SLC16A1: variants seen among roughly 807,000 people sequenced by gnomAD.
The protein encoded by SLC16A1 is solute carrier family 16 member 1, also known as monocarboxylate transporter 1.
In SLC16A1, 11 loss-of-function variants were observed where a neutral mutation model predicts 32.2. That is an observed-to-expected ratio of 0.34 (90% CI 0.21 to 0.56). SLC16A1 has a LOEUF of 0.56. SLC16A1 is among the 20% of genes least tolerant of loss of function. The pLI is 0.87. For synonymous variants in SLC16A1, 231 were observed against 226.8 expected, an observed-to-expected ratio of 1.02 and a Z score of -0.17; for missense variants, 435 against 615.0, an observed-to-expected ratio of 0.71 and a Z score of 3.10.
chr1:112,911,904 C>G lies in SLC16A1; in HGVS notation c.*1987G>C, dbSNP rs1648333310. On this transcript the variant is annotated 3_prime_UTR_variant, in exon 5 of 5. Coordinates refer to ENST00000369626, the MANE Select transcript of SLC16A1 (RefSeq NM_003051.4). ...TTCCTTTACTTACATTCCTTATTCC[C>G]TCACCAACAGTAATCCTCATTTTTA... The G allele has an allele frequency of 6.6e-6, 1 of 152,164 alleles. No individual in the cohort carries two copies. The highest frequency in any genetic ancestry group is 1.5e-5 in the Non-Finnish European group (1 of 68,016). 9.4% of individuals were successfully genotyped at this position (152,164 alleles called of 1,614,324 possible). A position where few individuals can be genotyped will look rare whatever the true frequency, so the allele number is the denominator to read the frequency against.
intron 1 of SLC16A1, among the ~76,000 whole-genome samples, chr1:112,953,153 CTTTTT>C (rs55766100): frequency 1.3e-4 from 17 of 130,194 alleles, no homozygotes; most frequent in Non-Finnish European, 2.4e-4. Flanking sequence ...ACTGAAAATC[CTTTTT>C]TTTTTTTTTT....
At position 112,914,052 on chromosome 1, in the gene SLC16A1, A is replaced by C. The variant is rs773196238; in HGVS notation, c.1342T>G (p.Leu448Val). The change falls in exon 5 of 5, where the codon TTG becomes GTG. Residue 448 changes from leucine to valine, a missense_variant. Leu to Val is a conservative substitution (Grantham distance 32). Transcript: ENST00000369626. ...FIGMGINYRL[L>V]AKEQKANEQK... ...TCGTTTGCTTTCTGTTCTTTTGCCA[A>C]AAGTCGATAATTGATGCCCATGCCA... is the stretch of plus-strand genomic sequence containing the variant. The C allele has an allele frequency of 3.1e-6, 5 of 1,614,050 alleles. No homozygotes were observed. Among genetic ancestry groups the C allele is most frequent in the Non-Finnish European group, 4.2e-6 (5 of 1,180,044 alleles).
rs957406167 is a variant in SLC16A1, at chr1:112,914,028, C to T, written c.1366G>A (p.Glu456Lys). The T allele has an allele frequency of 3.7e-6, 6 of 1,613,996 alleles. No homozygotes were observed. Among genetic ancestry groups the T allele is most frequent in the African/African-American group, 1.3e-5 (1 of 74,892 alleles). The change falls in exon 5 of 5, where the codon GAG becomes AAG. Residue 456 changes from glutamate (E) to lysine (K), a missense_variant. Coordinates refer to ENST00000369626, the MANE Select transcript of SLC16A1 (RefSeq NM_003051.4). ...TCCTCTTTACTTTCCTTTTTCTGCT[C>T]GTTTGCTTTCTGTTCTTTTGCCAAA... ...RLLAKEQKANEQKKESKEEET... is the reference protein window; with the variant it reads ...RLLAKEQKANKQKKESKEEET...
At chr1:112,946,466 A>C (rs1649708153) in intron 1 of SLC16A1, among the ~76,000 whole-genome samples, 1 of 152,138 alleles carries the variant, frequency 6.6e-6, no homozygotes, top group African/African-American at 2.4e-5. Flanking sequence ...TGAAACCAGA[A>C]AAAAAAACCT....
chr1:112,950,588 A>AC (rs1649857858), intron 1 of SLC16A1, among the ~76,000 whole-genome samples: 2 of 152,086 alleles, frequency 1.3e-5, no homozygotes, highest in Admixed American at 1.3e-4. Flanking sequence ...GTTGGATCTT[A>AC]CTCTGCAGGA....
At chr1:112,931,665 A>C (rs1209106233) in intron 1 of SLC16A1, among the ~76,000 whole-genome samples, 1 of 151,154 alleles carries the variant, frequency 6.6e-6, no homozygotes, top group Non-Finnish European at 1.5e-5. Flanking sequence ...AAAAAAAAAA[A>C]AAAGTAGTTT....
At chr1:112,936,306 G>A (rs1649301683) in intron 1 of SLC16A1, among the ~76,000 whole-genome samples, 1 of 151,818 alleles carries the variant, frequency 6.6e-6, no homozygotes, top group South Asian at 2.1e-4. Context: ...TCAGGAGTTC[G>A]AGACCTGCCT....
At chr1:112,952,878 G>T (rs540234084) in intron 1 of SLC16A1, among the ~76,000 whole-genome samples, 5 of 152,302 alleles carry the variant, frequency 3.3e-5, no homozygotes, top group South Asian at 2.1e-4. Context: ...GTTAAATGGA[G>T]ACAAACAAAT....
intron 4 of SLC16A1, among the ~76,000 whole-genome samples, chr1:112,914,783 G>C (rs78343047): frequency 6.6e-5 from 10 of 152,334 alleles, no homozygotes; most frequent in African/African-American, 2.4e-4. Context: ...GTCTGACTCG[G>C]AAGTCTGCAC....
At chr1:112,914,714 C>T (rs1461042212) in intron 4 of SLC16A1, among the ~76,000 whole-genome samples, 1 of 152,214 alleles carries the variant, frequency 6.6e-6, no homozygotes, top group Non-Finnish European at 1.5e-5. Flanking sequence ...GAGATGTTAG[C>T]TAATTTGTCC....
In SLC16A1 at chr1:112,929,496, T is replaced by C. The variant is rs181988618; in HGVS notation, c.-44-144A>G. ...TGGGAGGTTGAGGCAGGAGGATCAT[T>C]TGAGGCCAGGAGTTCAAGACAGCCC... On this transcript the variant is annotated intron_variant, in intron 1 of 4. Transcript: ENST00000369626. 2.2e-5 allele frequency: 14 copies of C among 634,598 alleles called. No homozygotes were observed. The East Asian group carries it at 3.3e-4, about 15-fold the overall frequency. 39.3% of individuals were successfully genotyped at this position (634,598 alleles called of 1,614,324 possible). A position where few individuals can be genotyped will look rare whatever the true frequency, so the allele number is the denominator to read the frequency against.
rs572428839 is a variant in SLC16A1 at position 112,950,251 on chromosome 1, G to C, written c.-45+5784C>G. Among the ~76,000 whole-genome samples the C allele has an allele frequency of 1.2e-4, 19 of 152,286 alleles. No individual in the cohort carries two copies. In the South Asian group the frequency reaches 3.9e-3, roughly 32 times the overall value. On this transcript the variant is annotated intron_variant, in intron 1 of 4. Coordinates refer to ENST00000369626, the MANE Select transcript of SLC16A1 (RefSeq NM_003051.4). ...AAAAATTTCTCATACAGGAACAGAAGAGCAGGTCAATAAAGTACAAACATA... is the reference window on the plus strand; with the variant it reads ...AAAAATTTCTCATACAGGAACAGAACAGCAGGTCAATAAAGTACAAACATA...
In SLC16A1 at chr1:112,912,024, C is replaced by G. The variant is rs566124124; in HGVS notation, c.*1867G>C. 1 of 152,358 alleles carries G rather than the reference C, an allele frequency of 6.6e-6. No homozygotes were observed. Among genetic ancestry groups the G allele is most frequent in the East Asian group, 1.9e-4 (1 of 5,186 alleles). The allele number at this position is 152,358 out of a possible 1,614,324, so 9.4% of individuals were successfully genotyped here. A position where few individuals can be genotyped will look rare whatever the true frequency, so the allele number is the denominator to read the frequency against. On this transcript the variant is annotated 3_prime_UTR_variant, in exon 5 of 5. Coordinates refer to ENST00000369626, the MANE Select transcript of SLC16A1 (RefSeq NM_003051.4). Reference sequence around the variant, plus strand: ...CTGAGGCCAAGCCTGCCAATACTCTCAGCAGCAGTTTTCTCCTCTAACACT... The same window carrying G: ...CTGAGGCCAAGCCTGCCAATACTCTGAGCAGCAGTTTTCTCCTCTAACACT...
rs750308736 is a variant in SLC16A1 at position 112,929,289 on chromosome 1, C to T, written c.20G>A (p.Gly7Asp). 5 of 1,614,018 alleles carry T rather than the reference C, an allele frequency of 3.1e-6. No homozygotes were observed. Among genetic ancestry groups the T allele is most frequent in the Non-Finnish European group, 4.2e-6 (5 of 1,180,010 alleles). MPPAVG[G>D]PVGYTPPDGG... ...ATCTGGGGGGGTGTATCCAACTGGA[C>T]CTCCAACTGCTGGTGGCATTTTAAG... Residue 7 changes from glycine (G) to aspartate (D), a missense_variant, in exon 2 of 5, where the codon GGT (glycine) becomes GAT (aspartate). By Grantham distance (94) the Gly-to-Asp change is moderately conservative. This residue lies in a region of SLC16A1 where 324 missense variants were observed against 500.3 expected (regional missense o/e 0.65). Coordinates refer to ENST00000369626, the MANE Select transcript of SLC16A1 (RefSeq NM_003051.4).
intron 1 of SLC16A1, among the ~76,000 whole-genome samples, chr1:112,933,551 G>C (rs1236874161): frequency 6.6e-6 from 1 of 150,420 alleles, no homozygotes; most frequent in African/African-American, 2.4e-5. Flanking sequence ...AAAAGAACTT[G>C]CACAACGATA....
At chr1:112,924,341 C>A (rs1276492361) in intron 2 of SLC16A1, 2 of 1,309,822 alleles carry the variant, frequency 1.5e-6, no homozygotes, top group African/African-American at 1.4e-5. Flanking sequence ...ACTACTTCCA[C>A]TAGGCCCATC....
At chr1:112,933,317 T>G (rs1407618623) in intron 1 of SLC16A1, among the ~76,000 whole-genome samples, 4 of 152,072 alleles carry the variant, frequency 2.6e-5, no homozygotes, top group South Asian at 2.1e-4. Flanking sequence ...CTGGGTGTGG[T>G]GGCGTGTGCC....
rs141534230 is a variant in SLC16A1, at chr1:112,921,158, A to G, written c.361+832T>C. On this transcript the variant is annotated intron_variant, in intron 3 of 4. Coordinates refer to ENST00000369626, the MANE Select transcript of SLC16A1 (RefSeq NM_003051.4). ...TCCGTCTCAAAAAAAAAAAAAAAAG[A>G]AAAGAAAATAAGGATTAAAACCAAG... is the stretch of plus-strand genomic sequence containing the variant. Among the ~76,000 whole-genome samples, 1,214 of 151,140 alleles carry G rather than the reference A, an allele frequency of 8.0e-3. 19 individuals are homozygous for G. The highest frequency in any genetic ancestry group is 0.027 in the African/African-American group (1,125 of 41,198).
chr1:112,915,382 G>A (rs144853984), intron 4 of SLC16A1, among the ~76,000 whole-genome samples: 13 of 152,286 alleles, frequency 8.5e-5, no homozygotes, highest in African/African-American at 2.6e-4. Context: ...AGAGAGCATG[G>A]TGTGTGAGGG....
Sources: gnomAD v4.1 joint callset for allele counts (sites outside exome capture counted in the v4.1 genomes callset) on GRCh38, gnomAD v4.1.1 for gene constraint, gnomAD v4.1.1 regional missense constraint, MANE v1.5 for transcripts, NCBI Gene and HGNC (gene_info 2026-07-23, HGNC 2026-07-21) for gene names.